The following CD96 variants were observed in gnomAD, a reference collection of about 807,000 sequenced individuals.
CD96 encodes the protein CD96 molecule.
Under a neutral mutation model 71.3 loss-of-function variants are expected in CD96, and 70 were observed. That is an observed-to-expected ratio of 0.98 (90% CI 0.81 to 1.20). The LOEUF (loss-of-function observed/expected upper bound fraction) is 1.20, where lower values mean the gene tolerates loss of function less well. Among genes scored for constraint, CD96 ranks in the 50% most tolerant of loss-of-function variants. CD96 has a pLI of 0.00. For missense variants in CD96, 742 were observed against 677.5 expected (o/e 1.10, Z -1.06); for synonymous variants, 248 against 233.0 (o/e 1.06, Z -0.59).
At chr3:111,593,745 C>G in intron 5 of CD96, 1 of 1,614,222 alleles carries the variant, frequency 6.2e-7, no homozygotes, top group Non-Finnish European at 8.5e-7. Flanking sequence ...CTTTGGCTGG[C>G]CCACAAAGCC....
chr3:111,651,107 A>T lies in CD96; in HGVS notation c.*1301A>T, dbSNP rs1412790206. On this transcript the variant is annotated 3_prime_UTR_variant, in exon 14 of 14. Transcript: ENST00000352690. ...TTCAATTAAATCAGAATGTCTGAGG[A>T]GTGAGACACAGGCATCAACACTCTC... 6.6e-6 allele frequency: 1 copy of T among 152,196 alleles called. No homozygotes were observed. Among genetic ancestry groups the T allele is most frequent in the Non-Finnish European group, 1.5e-5 (1 of 68,036 alleles). The allele number at this position is 152,196 out of a possible 1,614,324, so 9.4% of individuals were successfully genotyped here.
At chr3:111,570,553 C>T in intron 3 of CD96, 1 of 1,324,956 alleles carries the variant, frequency 7.5e-7, no homozygotes, top group Non-Finnish European at 1.0e-6. Context: ...GTGGCCTGGC[C>T]AGACATCAGG....
chr3:111,548,031 TCTC>T (rs1407172768), intron 2 of CD96, among the ~76,000 whole-genome samples: 1 of 152,168 alleles, frequency 6.6e-6, no homozygotes, highest in African/African-American at 2.4e-5. Flanking sequence ...TCTTGCTTCT[TCTC>T]CTCTCACTTG....
intron 10 of CD96, among the ~76,000 whole-genome samples, chr3:111,626,178 G>T (rs1171022085): frequency 6.6e-6 from 1 of 151,936 alleles, no homozygotes; most frequent in Non-Finnish European, 1.5e-5. Flanking sequence ...GTGGGCACCT[G>T]TAGTCCCAGC....
At chr3:111,547,729 C>T (rs7643682) in intron 2 of CD96, among the ~76,000 whole-genome samples, 12,386 of 152,134 alleles carry the variant, frequency 0.081, 1,444 homozygotes, top group African/African-American at 0.26. Context: ...GGAAAATTTC[C>T]GGTCTTCTGA....
downstream of CD96, among the ~76,000 whole-genome samples, chr3:111,657,322 G>A (rs1223031036): frequency 2.0e-5 from 3 of 152,010 alleles, no homozygotes; most frequent in Non-Finnish European, 4.4e-5. Context: ...GGAGGCTGAG[G>A]CAGGAGAATC....
chr3:111,551,552 A>G (rs183679586), intron 2 of CD96, among the ~76,000 whole-genome samples: 19 of 152,164 alleles, frequency 1.2e-4, no homozygotes, highest in African/African-American at 4.1e-4. Flanking sequence ...AAGACATGGG[A>G]CCTTCTTTTT....
At chr3:111,597,466 C>T (rs940540731) in intron 5 of CD96, among the ~76,000 whole-genome samples, 4 of 152,134 alleles carry the variant, frequency 2.6e-5, no homozygotes, top group Non-Finnish European at 5.9e-5. Context: ...ATTAAGGAGA[C>T]ATGGTTTCTA....
Position 111,600,904 on chromosome 3 carries a change from T to G in CD96, c.1077T>G (p.Thr359=), listed in dbSNP as rs746210012. 1 of 1,606,836 alleles carries G rather than the reference T, an allele frequency of 6.2e-7. No individual in the cohort carries two copies. Among genetic ancestry groups the G allele is most frequent in the Non-Finnish European group, 8.5e-7 (1 of 1,173,598 alleles). ...GGAACATCTCATCAGAAAAGATCAC[T>G]TTTCTCTTAGGTGAGTTGTCTATTT... ...KVWNISSEKI[T]FLLGSEISST... is the part of the protein sequence containing the mutation. Residue 359 remains threonine (T), a synonymous_variant, in exon 7 of 14, where the codon ACT becomes ACG. Coordinates refer to ENST00000352690, the MANE Select transcript of CD96 (RefSeq NM_005816.5).
At chr3:111,628,929 G>A (rs1289025146) in intron 10 of CD96, among the ~76,000 whole-genome samples, 6 of 152,086 alleles carry the variant, frequency 3.9e-5, no homozygotes, top group Admixed American at 3.9e-4. Flanking sequence ...CATACATAAG[G>A]AAGAAATAAT....
chr3:111,622,731 C>CT (rs1938573096), intron 8 of CD96, among the ~76,000 whole-genome samples: 1 of 152,208 alleles, frequency 6.6e-6, no homozygotes, highest in Admixed American at 6.5e-5. Flanking sequence ...ATACAGCATT[C>CT]TTTTTATGAA....
At chr3:111,633,948 T>C (rs1939200427) in intron 10 of CD96, 1 of 152,698 alleles carries the variant, frequency 6.5e-6, no homozygotes, top group Admixed American at 6.5e-5. Flanking sequence ...AAGTTGCTCA[T>C]CAAAAGTCTG....
intron 5 of CD96, among the ~76,000 whole-genome samples, chr3:111,589,903 C>T (rs80205667): frequency 0.05 from 7,684 of 152,226 alleles, 259 homozygotes; most frequent in South Asian, 0.098. Flanking sequence ...TTAACCTCCA[C>T]GAGCCTCAGC....
At chr3:111,600,250 T>C (rs1405882132) in intron 6 of CD96, among the ~76,000 whole-genome samples, 9 of 152,200 alleles carry the variant, frequency 5.9e-5, no homozygotes, top group South Asian at 2.1e-4. Flanking sequence ...ACTACTGATA[T>C]ATACACAGAA....
rs190133467 is a variant in CD96, at chr3:111,598,401, A to G, written c.898+191A>G. 8.5e-5 allele frequency among the ~76,000 whole-genome samples: 13 copies of G among 152,302 alleles called. No individual in the cohort carries two copies. The East Asian group carries it at 2.5e-3, about 29-fold the overall frequency. On this transcript the variant is annotated intron_variant, in intron 6 of 13. Transcript: ENST00000352690. Reference sequence around the variant, plus strand: ...TTCTTCCAAGGGGGTGGAGTGTAACATTTTCCAGAATAAAAGAAATACAAT... The same window carrying G: ...TTCTTCCAAGGGGGTGGAGTGTAACGTTTTCCAGAATAAAAGAAATACAAT...
chr3:111,586,997 C>G (rs931007668), intron 5 of CD96, among the ~76,000 whole-genome samples: 5 of 152,152 alleles, frequency 3.3e-5, no homozygotes, highest in Non-Finnish European at 7.3e-5. Context: ...CAAGTCCCTT[C>G]TGCCTATGAA....
intron 12 of CD96, among the ~76,000 whole-genome samples, chr3:111,639,965 A>T (rs781064911): frequency 4.6e-5 from 7 of 152,190 alleles, no homozygotes; most frequent in Non-Finnish European, 7.3e-5. Flanking sequence ...CAGTGGGACA[A>T]AATAATCTCA....
rs1035836810 is a variant in CD96 at position 111,545,202 on chromosome 3, C to T, written c.218C>T (p.Pro73Leu). The change falls in exon 2 of 14, where the codon CCC becomes CTC. Residue 73 changes from proline (P) to leucine (L), a missense_variant. Coordinates refer to ENST00000352690, the MANE Select transcript of CD96 (RefSeq NM_005816.5). ...ATAGACCTGATTGCTGTCTATCATC[C>T]CCAATACGGCTTCTACTGTGCCTAT... Reference protein sequence around the residue: ...NKIDLIAVYHPQYGFYCAYGR... With the variant: ...NKIDLIAVYHLQYGFYCAYGR... 1 of 1,614,140 alleles carries T rather than the reference C, an allele frequency of 6.2e-7. No homozygotes were observed. The highest frequency in any genetic ancestry group is 1.1e-5 in the South Asian group (1 of 91,082).
chr3:111,649,823 C>T lies in CD96; in HGVS notation c.*17C>T. 6.9e-7 allele frequency: 1 copy of T among 1,454,926 alleles called. No individual in the cohort carries two copies. The highest frequency in any genetic ancestry group is 9.7e-7 in the Non-Finnish European group (1 of 1,034,692). The allele number at this position is 1,454,926 out of a possible 1,614,324, so 90.1% of individuals were successfully genotyped here. A position where few individuals can be genotyped will look rare whatever the true frequency, so the allele number is the denominator to read the frequency against. ...ACCCTCTAGTCTCGTGAGACTTTGC[C>T]CCATGGCAGAACTCTGCTGGAATCC... On this transcript the variant is annotated 3_prime_UTR_variant, in exon 14 of 14. Coordinates refer to ENST00000352690, the MANE Select transcript of CD96 (RefSeq NM_005816.5).
Sources: allele counts gnomAD v4.1 joint callset (sites outside exome capture counted in the v4.1 genomes callset), GRCh38; gene constraint gnomAD v4.1.1; transcripts MANE v1.5; gene names NCBI Gene and HGNC (gene_info 2026-07-23, HGNC 2026-07-21).